The following ZDHHC11B variants were observed in gnomAD, a reference collection of about 807,000 sequenced individuals.
ZDHHC11B encodes the protein zDHHC palmitoyltransferase 11B (putative).
ZDHHC11B carries 17 observed loss-of-function variants against 42.3 expected under a neutral mutation model. That is an observed-to-expected ratio of 0.40 (90% confidence interval 0.27 to 0.60). ZDHHC11B has a LOEUF of 0.60. Ranked by LOEUF, ZDHHC11B falls within the 20% of genes least tolerant of loss-of-function variation. The probability of loss-of-function intolerance (pLI) is 0.41; values close to 1 mark genes in which losing one functional copy is unlikely to be tolerated. For missense variants in ZDHHC11B, 262 were observed against 463.2 expected, an observed-to-expected ratio of 0.57 and a Z score of 3.99; for synonymous variants, 123 against 193.5, an observed-to-expected ratio of 0.64 and a Z score of 3.02.
rs1175640880 is a variant in ZDHHC11B, at chr5:742,500, A to C, written c.901-872T>G. ...TGCACTTCACAGAAACTGTTTTTTC[A>C]CAAATTGAGGGTTTGTGGTGACCCT... On this transcript the variant is annotated intron_variant, in intron 9 of 13. Transcript: ENST00000508859. Among the ~76,000 whole-genome samples, 7 of 120,364 alleles carry C rather than the reference A, an allele frequency of 5.8e-5. 1 individual carries two copies. Among genetic ancestry groups the C allele is most frequent in the Non-Finnish European group, 1.0e-4 (6 of 57,352 alleles). The allele number at this position is 120,364 out of a possible 152,430, so 79.0% of individuals were successfully genotyped here.
intron 12 of ZDHHC11B, among the ~76,000 whole-genome samples, chr5:717,665 A>T (rs184334459): frequency 2.2e-4 from 34 of 151,978 alleles, no homozygotes; most frequent in Non-Finnish European, 4.6e-4. Flanking sequence ...ATCAAAGAAA[A>T]GCAAGAGGGA....
chr5:742,473 A>G (rs1482740038), intron 9 of ZDHHC11B, among the ~76,000 whole-genome samples: 1 of 63,848 alleles, frequency 1.6e-5, no homozygotes, highest in East Asian at 5.9e-4. Flanking sequence ...GCTTTGCTTT[A>G]CTGCACTTCA....
At chr5:716,349 G>T (rs986289161) in intron 13 of ZDHHC11B, among the ~76,000 whole-genome samples, 8 of 151,564 alleles carry the variant, frequency 5.3e-5, no homozygotes, top group African/African-American at 1.7e-4. Context: ...ATGATCATTT[G>T]TTTCACGGTT....
chr5:773,084 C>T (rs1203523767), intron 1 of ZDHHC11B, among the ~76,000 whole-genome samples: 1 of 151,900 alleles, frequency 6.6e-6, no homozygotes, highest in African/African-American at 2.4e-5. Flanking sequence ...GTCTGGATCG[C>T]TTCATTAGAC....
At chr5:778,264 G>C (rs1736706860) in intron 1 of ZDHHC11B, among the ~76,000 whole-genome samples, 1 of 151,758 alleles carries the variant, frequency 6.6e-6, no homozygotes, top group Non-Finnish European at 1.5e-5. Context: ...TAGAGATCCC[G>C]GCTGGCTCAT....
At chr5:760,397 C>A (rs1375250469) in intron 4 of ZDHHC11B, among the ~76,000 whole-genome samples, 2 of 151,698 alleles carry the variant, frequency 1.3e-5, no homozygotes, top group Non-Finnish European at 2.9e-5. Flanking sequence ...AGAGAAAAGA[C>A]GGTGTGAACA....
At position 721,732 on chromosome 5, in the gene ZDHHC11B, C is replaced by T. The variant is rs1345593203; in HGVS notation, c.1059-4867G>A. 2.6e-5 allele frequency among the ~76,000 whole-genome samples: 4 copies of T among 151,690 alleles called. 1 individual carries two copies. Among genetic ancestry groups the T allele is most frequent in the South Asian group, 2.1e-4 (1 of 4,806 alleles). ...TGGCAGGTGGGAGAATTGGGGAAGG[C>T]ACTGGAAAGGAAAGAGTGGGGCTAG... On this transcript the variant is annotated intron_variant, in intron 12 of 13. Transcript: ENST00000508859.
At chr5:717,039 A>G (rs1741804129) in intron 12 of ZDHHC11B, among the ~76,000 whole-genome samples, 174 bp from the exon 13 acceptor site, 1 of 151,830 alleles carries the variant, frequency 6.6e-6, no homozygotes, top group Non-Finnish European at 1.5e-5. Flanking sequence ...GAAGACAGTA[A>G]CATGACTGCA....
intron 12 of ZDHHC11B, among the ~76,000 whole-genome samples, chr5:727,967 C>T (rs1437916252): frequency 1.3e-5 from 2 of 151,062 alleles, no homozygotes; most frequent in Non-Finnish European, 3.0e-5. Flanking sequence ...GCAAAAGACA[C>T]GATAAACACA....
intron 1 of ZDHHC11B, among the ~76,000 whole-genome samples, chr5:783,677 C>G (rs1383294409): frequency 6.9e-6 from 1 of 145,822 alleles, no homozygotes. Flanking sequence ...ACAGCAGCCC[C>G]CAAACCCCTA....
At chr5:751,764 G>A (rs1365176559) in intron 6 of ZDHHC11B, among the ~76,000 whole-genome samples, 1 of 125,434 alleles carries the variant, frequency 8.0e-6, no homozygotes, top group African/African-American at 2.6e-5. Flanking sequence ...AGGTCTCCAG[G>A]CCTCTCGCTG....
intron 6 of ZDHHC11B, among the ~76,000 whole-genome samples, chr5:754,097 G>A (rs1178987013): frequency 3.1e-4 from 41 of 130,580 alleles, no homozygotes; most frequent in Middle Eastern, 4.0e-3. Context: ...GTGCTCAGGG[G>A]AAACACGTCT....
chr5:766,783 C>T lies in ZDHHC11B; in HGVS notation c.137G>A (p.Trp46Ter). Residue 46 changes from tryptophan to a stop codon, truncating the protein, a stop_gained, in exon 4 of 14, where the codon TGG becomes TAG. Transcript: ENST00000508859. LOFTEE classifies it high-confidence loss of function. ...CAAGGAAAGGCCAACGAAGACAGCC[C>T]AAGTCACCACCCGGAAGTAGTGCAG... ...LPLHYFRVVT[W>*]AVFVGLSLAT... 1 of 1,612,646 alleles carries T rather than the reference C, an allele frequency of 6.2e-7. No individual in the cohort carries two copies. Among genetic ancestry groups the T allele is most frequent in the Non-Finnish European group, 8.5e-7 (1 of 1,179,240 alleles).
At chr5:724,074 G>A (rs1292716608) in intron 12 of ZDHHC11B, among the ~76,000 whole-genome samples, 1 of 151,430 alleles carries the variant, frequency 6.6e-6, no homozygotes, top group Non-Finnish European at 1.5e-5. Flanking sequence ...CTGGGTGTGG[G>A]TTCAGACCTG....
intron 12 of ZDHHC11B, among the ~76,000 whole-genome samples, chr5:728,338 A>AAAATGC (rs1387506434): frequency 1.2e-4 from 18 of 152,110 alleles, no homozygotes; most frequent in Admixed American, 5.9e-4. Flanking sequence ...ATGAGGATTT[A>AAAATGC]AAATGCAAAT....
rs1484178448 is a variant in ZDHHC11B, at chr5:724,163, C to A, written c.1058+6271G>T. Among the ~76,000 whole-genome samples, 5 of 151,518 alleles carry A rather than the reference C, an allele frequency of 3.3e-5. 1 individual carries two copies. Among genetic ancestry groups the A allele is most frequent in the East Asian group, 3.9e-4 (2 of 5,168 alleles). The stretch of plus-strand genomic sequence containing the variant: ...GCTCCCTCACTCAGTTCCCCTTGGA[C>A]GTCTGCATGTGTCTCCAACACACTT... On this transcript the variant is annotated intron_variant, in intron 12 of 13. Coordinates refer to ENST00000508859, the MANE Select transcript of ZDHHC11B (RefSeq NM_001351303.2).
intron 9 of ZDHHC11B, among the ~76,000 whole-genome samples, chr5:742,844 A>G (rs1744322595): frequency 6.7e-6 from 1 of 149,016 alleles, no homozygotes; most frequent in Admixed American, 6.8e-5. Context: ...GGTAAAGTCC[A>G]AACTATGATT....
At chr5:712,895 C>A (rs1340230904) in intron 13 of ZDHHC11B, among the ~76,000 whole-genome samples, 1 of 147,864 alleles carries the variant, frequency 6.8e-6, no homozygotes, top group African/African-American at 2.5e-5. Flanking sequence ...GGTGACACAG[C>A]GAGACTCTGT....
chr5:725,105 G>C (rs1473458391), intron 12 of ZDHHC11B, among the ~76,000 whole-genome samples: 2 of 151,386 alleles, frequency 1.3e-5, no homozygotes, highest in Non-Finnish European at 2.9e-5. Flanking sequence ...TCCCGAATGT[G>C]GGACCCGGAT....
Sources: allele counts gnomAD v4.1 joint callset (sites outside exome capture counted in the v4.1 genomes callset), GRCh38; gene constraint gnomAD v4.1.1; transcripts MANE v1.5; gene names NCBI Gene and HGNC (gene_info 2026-07-23, HGNC 2026-07-21).